The following ATL3 variants were observed in gnomAD, a reference collection of about 807,000 sequenced individuals.
ATL3 encodes atlastin GTPase 3, also known as atlastin-3.
Under a neutral mutation model 69.5 loss-of-function variants are expected in ATL3, and 49 were observed. The observed-to-expected ratio is 0.71, with a 90% CI of 0.56 to 0.89. The LOEUF (loss-of-function observed/expected upper bound fraction) is 0.89, where lower values mean the gene tolerates loss of function less well. ATL3 is among the 40% of genes least tolerant of loss of function. ATL3 has a pLI of 0.00. For missense variants in ATL3, 606 were observed against 645.7 expected, an observed-to-expected ratio of 0.94 and a Z score of 0.67; for synonymous variants, 214 against 224.1, an observed-to-expected ratio of 0.95 and a Z score of 0.40.
intron 5 of ATL3, among the ~76,000 whole-genome samples, chr11:63,649,080 G>C (rs921207007): frequency 1.3e-5 from 2 of 152,038 alleles, no homozygotes; most frequent in Non-Finnish European, 2.9e-5. Context: ...AGCCAAGATC[G>C]TGCCACTGCA....
rs56897923 is a variant in ATL3 at position 63,657,217 on chromosome 11, A to G, written c.405+1544T>C. On this transcript the variant is annotated intron_variant, in intron 3 of 12. Transcript: ENST00000398868. Reference sequence around the variant, plus strand: ...GAGTGAGACTACATCTCAAAAAAAAAAAAAAAAAAAGGACAAACAGGTGTG... The same window carrying G: ...GAGTGAGACTACATCTCAAAAAAAAGAAAAAAAAAAGGACAAACAGGTGTG... 6.1e-4 allele frequency among the ~76,000 whole-genome samples: 93 copies of G among 151,986 alleles called. 2 individuals are homozygous for G. Among genetic ancestry groups the G allele is most frequent in the African/African-American group, 2.2e-3 (91 of 41,430 alleles).
chr11:63,629,447 C>A (rs140139934), intron 12 of ATL3, 42 bp from the exon 13 acceptor site: 332 of 1,520,080 alleles, frequency 2.2e-4, no homozygotes, highest in African/African-American at 1.6e-3. Flanking sequence ...TAATAAAATA[C>A]AACACAGCAA....
rs1264165584 is a variant in ATL3, at chr11:63,628,024, A to G, written c.*1295T>C. On this transcript the variant is annotated 3_prime_UTR_variant, in exon 13 of 13. Coordinates refer to ENST00000398868, the MANE Select transcript of ATL3 (RefSeq NM_015459.5). ...CCACATGAAATTAGACATCAATTAA[A>G]CGCAGTAATATTTGTATCTTCCCTC... The G allele has an allele frequency of 6.6e-6, 1 of 152,234 alleles. No individual in the cohort carries two copies. Among genetic ancestry groups the G allele is most frequent in the African/African-American group, 2.4e-5 (1 of 41,460 alleles). 9.4% of individuals were successfully genotyped at this position (152,234 alleles called of 1,614,324 possible). A position where few individuals can be genotyped will look rare whatever the true frequency, so the allele number is the denominator to read the frequency against.
upstream of ATL3, chr11:63,671,644 G>A: frequency 2.1e-6 from 3 of 1,404,438 alleles, no homozygotes; most frequent in Non-Finnish European, 1.9e-6. Context: ...ACCTGTTGGC[G>A]GGGCGCTGAG....
At chr11:63,632,128 A>T in intron 11 of ATL3, 6 of 350,706 alleles carry the variant, frequency 1.7e-5, no homozygotes, top group African/African-American at 2.1e-5. Flanking sequence ...ACATGCTTTA[A>T]TTTTTTTTTT....
intron 8 of ATL3, 31 bp downstream of exon 8, chr11:63,643,326 T>A: frequency 6.4e-7 from 1 of 1,550,644 alleles, no homozygotes. Flanking sequence ...AAAGATCGAA[T>A]CACAGGTTTA....
At chr11:63,639,267 C>T (rs1401151515) in intron 8 of ATL3, among the ~76,000 whole-genome samples, 1 of 152,140 alleles carries the variant, frequency 6.6e-6, no homozygotes, top group Non-Finnish European at 1.5e-5. Context: ...AAGTGGTTCC[C>T]TAAAATTAAA....
rs551769719 is a variant in ATL3 at position 63,628,834 on chromosome 11, CAAAAAAAAAAAA to C, written c.*473_*484del. 0.029 allele frequency: 1,771 copies of C among 61,780 alleles called. 57 individuals carry two copies. The highest frequency in any genetic ancestry group is 0.11 in the African/African-American group (1,661 of 15,798). 3.8% of individuals were successfully genotyped at this position (61,780 alleles called of 1,614,324 possible). On this transcript the variant is annotated 3_prime_UTR_variant, in exon 13 of 13. Coordinates refer to ENST00000398868, the MANE Select transcript of ATL3 (RefSeq NM_015459.5). ...CTGGTGACAGAGCGAGACTCCAACT[CAAAAAAAAAAAA>C]AAAAAAAAAAAGAATCCTTCTCAAA...
rs765771955 is a variant in ATL3, at chr11:63,643,491, T to C, written c.716A>G (p.Lys239Arg). 6.8e-6 allele frequency: 11 copies of C among 1,605,902 alleles called. No homozygotes were observed. The highest frequency in any genetic ancestry group is 9.3e-6 in the Non-Finnish European group (11 of 1,176,716). ...MAFLDKRLQV[K>R]EHQHEEIQNV... ...CTGAATTTCTTCATGTTGATGTTCC[T>C]TCACCTGCCAATGAAGACCAAGAAT... The change falls in exon 8 of 13, where the codon AAG becomes AGG. Residue 239 changes from lysine to arginine, a missense_variant. Coordinates refer to ENST00000398868, the MANE Select transcript of ATL3 (RefSeq NM_015459.5).
chr11:63,667,860 C>T lies in ATL3; in HGVS notation c.46+3430G>A, dbSNP rs536754833. On this transcript the variant is annotated intron_variant, in intron 1 of 12. Coordinates refer to ENST00000398868, the MANE Select transcript of ATL3 (RefSeq NM_015459.5). Reference sequence around the variant, plus strand: ...GGAGCTGCACAACTGTTGTGGGGGGCTATCCTACGCACTACAGGCTATTGA... The same window carrying T: ...GGAGCTGCACAACTGTTGTGGGGGGTTATCCTACGCACTACAGGCTATTGA... Among the ~76,000 whole-genome samples the T allele has an allele frequency of 1.4e-4, 22 of 151,984 alleles. 1 individual carries two copies. Among genetic ancestry groups the T allele is most frequent in the African/African-American group, 5.3e-4 (22 of 41,448 alleles).
intron 12 of ATL3, 118 bp downstream of exon 12, chr11:63,630,922 G>C (rs913560093): frequency 2.3e-6 from 2 of 863,714 alleles, no homozygotes; most frequent in Non-Finnish European, 3.5e-6. Context: ...AACAGCCAAC[G>C]GAGTGGCCAC....
intron 3 of ATL3, 113 bp downstream of exon 3, chr11:63,658,648 T>A: frequency 8.2e-7 from 1 of 1,214,144 alleles, no homozygotes; most frequent in East Asian, 2.6e-5. Context: ...TTTCTTACTT[T>A]ACCCATTTTA....
intron 2 of ATL3, 57 bp downstream of exon 2, chr11:63,658,981 G>A (rs761608759): frequency 2.2e-5 from 36 of 1,600,720 alleles, no homozygotes; most frequent in South Asian, 4.4e-5. Flanking sequence ...AGCTTATTTC[G>A]CTTTTTTGGA....
chr11:63,629,424 TC>T lies in ATL3; in HGVS notation c.1540-20del. The stretch of plus-strand genomic sequence containing the variant: ...AAGAAGCCTGCAAAAGTCCATTTAT[TC>T]AACATATAAGTTAATAAAATACAAC... On this transcript the variant is annotated intron_variant, in intron 12 of 12. Coordinates refer to ENST00000398868, the MANE Select transcript of ATL3 (RefSeq NM_015459.5). The T allele has an allele frequency of 6.2e-7, 1 of 1,605,472 alleles. No homozygotes were observed. The highest frequency in any genetic ancestry group is 1.7e-5 in the Admixed American group (1 of 60,000).
intron 1 of ATL3, among the ~76,000 whole-genome samples, chr11:63,668,993 T>G (rs1940679800): frequency 7.0e-6 from 1 of 143,604 alleles, no homozygotes; most frequent in African/African-American, 2.6e-5. Context: ...TTGGCTAACT[T>G]TTTTTTAATT....
At chr11:63,632,937 T>C in intron 11 of ATL3, 89 bp downstream of exon 11, 1 of 1,184,834 alleles carries the variant, frequency 8.4e-7, no homozygotes, top group Non-Finnish European at 1.3e-6. Context: ...CACTTAAAGA[T>C]ACATTAAGTA....
intron 11 of ATL3, chr11:63,632,370 T>C: frequency 1.1e-6 from 1 of 895,788 alleles, no homozygotes; most frequent in Non-Finnish European, 1.9e-6. Flanking sequence ...ATTCAGATAC[T>C]GTCTTTGCAC....
intron 8 of ATL3, among the ~76,000 whole-genome samples, chr11:63,640,098 T>C (rs577319063): frequency 1.3e-5 from 2 of 152,162 alleles, no homozygotes; most frequent in South Asian, 4.2e-4. Context: ...CCAGCTAATT[T>C]TGTATTTTTA....
rs999986056 is a variant in ATL3, at chr11:63,627,183, T to A, written c.*2136A>T. On this transcript the variant is annotated 3_prime_UTR_variant, in exon 13 of 13. Coordinates refer to ENST00000398868, the MANE Select transcript of ATL3 (RefSeq NM_015459.5). ...TCTATAAATTTACTTATAGAATGTA[T>A]TAAAAGCTAAGTATGTCAATATTTA... 6.6e-6 allele frequency: 1 copy of A among 152,224 alleles called. No homozygotes were observed. Among genetic ancestry groups the A allele is most frequent in the Non-Finnish European group, 1.5e-5 (1 of 68,038 alleles). 9.4% of individuals were successfully genotyped at this position (152,224 alleles called of 1,614,324 possible).
Sources: gnomAD v4.1 joint callset for allele counts (sites outside exome capture counted in the v4.1 genomes callset) on GRCh38, gnomAD v4.1.1 for gene constraint, MANE v1.5 for transcripts, NCBI Gene and HGNC (gene_info 2026-07-23, HGNC 2026-07-21) for gene names.